DAPK1: variants seen among roughly 807,000 people sequenced by gnomAD.
DAPK1 encodes death-associated protein kinase 1.
Under a neutral mutation model 144.9 loss-of-function variants are expected in DAPK1, and 56 were observed. The ratio of observed to expected loss-of-function variants is 0.39; its 90% CI spans 0.31 to 0.48. The LOEUF is 0.48. DAPK1 is among the 20% of genes least tolerant of loss of function. DAPK1 has a pLI of 0.95. For missense variants in DAPK1, 1,454 were observed against 1,875.4 expected (o/e 0.78, Z 4.15); for synonymous variants, 690 against 749.0 (o/e 0.92, Z 1.29).
chr9:87,567,647 G>C (rs1827177101), intron 2 of DAPK1, among the ~76,000 whole-genome samples: 1 of 152,132 alleles, frequency 6.6e-6, no homozygotes, highest in Admixed American at 6.6e-5. Context: ...TGGCACGCTT[G>C]CCATGGTAGG....
At chr9:87,643,346 C>CTTT in intron 10 of DAPK1, 30 bp from the exon 11 acceptor site, 2 of 1,103,694 alleles carry the variant, frequency 1.8e-6, no homozygotes, top group Non-Finnish European at 2.5e-6. Context: ...CCCCGCCCTC[C>CTTT]CTTTTTTTTT....
At chr9:87,561,585 C>T (rs774960041) in intron 2 of DAPK1, among the ~76,000 whole-genome samples, 8 of 152,068 alleles carry the variant, frequency 5.3e-5, no homozygotes, top group Non-Finnish European at 8.8e-5. Flanking sequence ...TCTAATGAAA[C>T]CTTTCATTGA....
At chr9:87,698,619 GAC>G in intron 22 of DAPK1, 35 bp from the exon 23 acceptor site, 1 of 1,489,158 alleles carries the variant, frequency 6.7e-7, no homozygotes, top group Non-Finnish European at 9.3e-7. Flanking sequence ...CAGGTAGGAG[GAC>G]CCACCCCCTG....
At chr9:87,639,899 T>A (rs1479803039) in intron 7 of DAPK1, 84 bp downstream of exon 7, 1 of 1,436,220 alleles carries the variant, frequency 7.0e-7, no homozygotes, top group Non-Finnish European at 9.7e-7. Flanking sequence ...GCTGTGTTGA[T>A]CTCTTCAGCT....
chr9:87,694,340 G>T (rs1484719610), intron 21 of DAPK1, among the ~76,000 whole-genome samples: 1 of 152,204 alleles, frequency 6.6e-6, no homozygotes, highest in Non-Finnish European at 1.5e-5. Context: ...GCCAGTGGTG[G>T]TGGACTGGGC....
chr9:87,559,858 A>G (rs1260952811), intron 2 of DAPK1, among the ~76,000 whole-genome samples: 1 of 151,160 alleles, frequency 6.6e-6, no homozygotes, highest in Non-Finnish European at 1.5e-5. Flanking sequence ...TCGTGTGCCC[A>G]CTCCTCAGAA....
chr9:87,655,171 A>C (rs1437957373), intron 17 of DAPK1, among the ~76,000 whole-genome samples: 1 of 152,146 alleles, frequency 6.6e-6, no homozygotes, highest in Non-Finnish European at 1.5e-5. Flanking sequence ...TGGAATTAGC[A>C]GCAAAATTCA....
intron 2 of DAPK1, among the ~76,000 whole-genome samples, chr9:87,583,718 C>T (rs1482177595): frequency 6.6e-6 from 1 of 152,188 alleles, no homozygotes; most frequent in African/African-American, 2.4e-5. Context: ...AGAAACTCCA[C>T]CCAAACCTTC....
intron 24 of DAPK1, among the ~76,000 whole-genome samples, 165 bp downstream of exon 24, chr9:87,700,402 G>C (rs1407556989): frequency 6.6e-6 from 1 of 152,186 alleles, no homozygotes; most frequent in Non-Finnish European, 1.5e-5. Flanking sequence ...GAAACAAGGA[G>C]ATGATGGGAG....
chr9:87,524,207 T>C (rs908055783), intron 2 of DAPK1, among the ~76,000 whole-genome samples: 1 of 152,188 alleles, frequency 6.6e-6, no homozygotes, highest in African/African-American at 2.4e-5. Flanking sequence ...TGCCTGTTTC[T>C]CTTGGCCCAA....
At chr9:87,586,198 G>C (rs1827937386) in intron 2 of DAPK1, among the ~76,000 whole-genome samples, 1 of 152,154 alleles carries the variant, frequency 6.6e-6, no homozygotes, top group Non-Finnish European at 1.5e-5. Context: ...TGAGGTGGGA[G>C]GATTACTTGA....
At chr9:87,650,778 C>T (rs189605224) in intron 16 of DAPK1, among the ~76,000 whole-genome samples, 1 of 152,322 alleles carries the variant, frequency 6.6e-6, no homozygotes, top group African/African-American at 2.4e-5. Flanking sequence ...TTCTGGTTGT[C>T]ACAGCTAGAG....
chr9:87,551,754 C>G (rs1826493453), intron 2 of DAPK1, among the ~76,000 whole-genome samples: 2 of 152,144 alleles, frequency 1.3e-5, no homozygotes, highest in Admixed American at 6.5e-5. Context: ...AAGTGCAGGT[C>G]CTGATACAGC....
chr9:87,705,750 C>T (rs908821170), intron 25 of DAPK1, among the ~76,000 whole-genome samples: 2 of 152,140 alleles, frequency 1.3e-5, no homozygotes, highest in Non-Finnish European at 2.9e-5. Context: ...CATCCTCATA[C>T]AAGGGTTTGC....
At chr9:87,565,459 G>A (rs1181032114) in intron 2 of DAPK1, among the ~76,000 whole-genome samples, 1 of 152,164 alleles carries the variant, frequency 6.6e-6, no homozygotes, top group Non-Finnish European at 1.5e-5. Flanking sequence ...GGAAAGTAAA[G>A]CCAGGAGAGG....
intron 23 of DAPK1, 92 bp downstream of exon 23, chr9:87,698,886 T>C: frequency 1.3e-6 from 1 of 753,450 alleles, no homozygotes; most frequent in African/African-American, 1.7e-5. Context: ...GGAAGTCTCA[T>C]GAACCAGAGA....
At chr9:87,693,217 A>G (rs1352827883) in intron 21 of DAPK1, among the ~76,000 whole-genome samples, 2 of 151,376 alleles carry the variant, frequency 1.3e-5, no homozygotes, top group South Asian at 2.1e-4. Flanking sequence ...AAACTTGAAT[A>G]TTTGATTGCT....
At chr9:87,664,089 C>T (rs1052035176) in intron 18 of DAPK1, among the ~76,000 whole-genome samples, 4 of 152,206 alleles carry the variant, frequency 2.6e-5, no homozygotes, top group South Asian at 2.1e-4. Flanking sequence ...CCCAGCCCCA[C>T]GTTTATCTTT....
intron 19 of DAPK1, among the ~76,000 whole-genome samples, chr9:87,678,512 G>A (rs180868181): frequency 1.6e-4 from 25 of 152,302 alleles, no homozygotes; most frequent in Non-Finnish European, 2.4e-4. Flanking sequence ...TCCAGAAATC[G>A]GAGACAGCAC....
Sources: gnomAD v4.1 joint callset for allele counts (sites outside exome capture counted in the v4.1 genomes callset) on GRCh38, gnomAD v4.1.1 for gene constraint, MANE v1.5 for transcripts, NCBI Gene and HGNC (gene_info 2026-07-23, HGNC 2026-07-21) for gene names.